Variants in TAGLN3 observed in about 807,000 individuals in gnomAD.
TAGLN3 encodes transgelin-3.
TAGLN3 carries 12 observed loss-of-function variants against 25.4 expected under a neutral mutation model. That is an observed-to-expected ratio of 0.47 (90% CI 0.30 to 0.77). The LOEUF (loss-of-function observed/expected upper bound fraction) is 0.77, where lower values mean the gene tolerates loss of function less well. Ranked by LOEUF, TAGLN3 falls within the 30% of genes least tolerant of loss-of-function variation. The pLI, the probability that TAGLN3 is intolerant of heterozygous loss-of-function variation, is 0.06. For synonymous variants in TAGLN3, 96 were observed against 94.8 expected, an observed-to-expected ratio of 1.01 and a Z score of -0.08; for missense variants, 218 against 255.8, an observed-to-expected ratio of 0.85 and a Z score of 1.01.
Position 112,000,888 on chromosome 3 carries a change from T to G in TAGLN3, c.297T>G (p.Ala99=). 1 of 1,614,194 alleles carries G rather than the reference T, an allele frequency of 6.2e-7. No homozygotes were observed. Among genetic ancestry groups the G allele is most frequent in the Non-Finnish European group, 8.5e-7 (1 of 1,180,028 alleles). ...QMEQISQFLK[A]AETYGVRTTD... The stretch of plus-strand genomic sequence containing the variant: ...AGCAAATCTCCCAGTTCCTAAAAGC[T>G]GCGGAGACCTATGGTGTCAGAACCA... The change falls in exon 3 of 5, where the codon GCT becomes GCG. Residue 99 remains alanine (A), a synonymous_variant. Transcript: ENST00000478951.
At chr3:112,000,583 C>T (rs1339819573) in intron 2 of TAGLN3, 189 bp from the exon 3 acceptor site, 2 of 565,110 alleles carry the variant, frequency 3.5e-6, no homozygotes, top group Non-Finnish European at 6.3e-6. Context: ...GGAATGGGGT[C>T]CTCTGGGTCT....
At chr3:112,001,330 C>G (rs1456728312) in intron 3 of TAGLN3, among the ~76,000 whole-genome samples, 1 of 152,172 alleles carries the variant, frequency 6.6e-6, no homozygotes, top group Non-Finnish European at 1.5e-5. Context: ...ATAGACAAAG[C>G]CATCTGGGGC....
intron 3 of TAGLN3, among the ~76,000 whole-genome samples, chr3:112,004,387 G>A (rs553067627): frequency 2.0e-5 from 3 of 152,286 alleles, no homozygotes; most frequent in East Asian, 3.9e-4. Flanking sequence ...AAGAAAGGTG[G>A]GGGGCGGGGG....
Position 112,000,962 on chromosome 3 carries a change from G to A in TAGLN3, c.355+16G>A, listed in dbSNP as rs770442609. On this transcript the variant is annotated intron_variant, in intron 3 of 4. Transcript: ENST00000478951. ...CTATGGGAAGGTAAACAGCCCCCTG[G>A]CCTTTGGGATTGTTCTTTTCTTCTC... 4 of 1,611,576 alleles carry A rather than the reference G, an allele frequency of 2.5e-6. No homozygotes were observed. Among genetic ancestry groups the A allele is most frequent in the Non-Finnish European group, 3.4e-6 (4 of 1,178,782 alleles).
At chr3:111,999,702 A>G in intron 2 of TAGLN3, 100 bp downstream of exon 2, 1 of 1,449,310 alleles carries the variant, frequency 6.9e-7, no homozygotes, top group Non-Finnish European at 9.3e-7. Flanking sequence ...TGCTGTTGCC[A>G]AGCTCTATGT....
At chr3:112,011,254 C>T (rs1221011551) in intron 3 of TAGLN3, among the ~76,000 whole-genome samples, 1 of 152,210 alleles carries the variant, frequency 6.6e-6, no homozygotes, top group African/African-American at 2.4e-5. Flanking sequence ...ACAGGGCTCC[C>T]CATCCCACTG....
intron 3 of TAGLN3, among the ~76,000 whole-genome samples, chr3:112,010,001 T>G (rs1040921064): frequency 6.6e-6 from 1 of 151,826 alleles, no homozygotes; most frequent in African/African-American, 2.4e-5. Flanking sequence ...TTAGTTCTTA[T>G]AAGTTCTTAT....
At chr3:112,009,081 C>T (rs549997684) in intron 3 of TAGLN3, among the ~76,000 whole-genome samples, 4 of 152,240 alleles carry the variant, frequency 2.6e-5, no homozygotes, top group African/African-American at 9.6e-5. Flanking sequence ...TGTGTGAACT[C>T]ATACATAAGA....
chr3:112,000,355 G>T (rs996882204), intron 2 of TAGLN3, among the ~76,000 whole-genome samples: 1 of 152,164 alleles, frequency 6.6e-6, no homozygotes, highest in Non-Finnish European at 1.5e-5. Context: ...TTTGCCTTTT[G>T]ATAGAAGAAA....
chr3:112,004,953 G>C (rs938845965), intron 3 of TAGLN3, among the ~76,000 whole-genome samples: 2 of 152,086 alleles, frequency 1.3e-5, no homozygotes, highest in Non-Finnish European at 2.9e-5. Flanking sequence ...CCAGGCTTTA[G>C]GCATCACTTT....
At chr3:112,000,127 G>A (rs979788248) in intron 2 of TAGLN3, among the ~76,000 whole-genome samples, 6 of 152,328 alleles carry the variant, frequency 3.9e-5, no homozygotes, top group South Asian at 2.1e-4. Flanking sequence ...CCAAATGCTC[G>A]TGTGTGTTTG....
chr3:111,999,592 T>A lies in TAGLN3; in HGVS notation c.170T>A (p.Met57Lys), dbSNP rs766037234. The A allele has an allele frequency of 5.0e-6, 8 of 1,613,554 alleles. No homozygotes were observed. The highest frequency in any genetic ancestry group is 1.6e-4 in the Middle Eastern group (1 of 6,072). Reference sequence around the variant, plus strand: ...AGGGCCCATTTTCAGAAATGGTTAATGGACGGGACGGTAAGGCCGGCAGCG... The same window carrying A: ...AGGGCCCATTTTCAGAAATGGTTAAAGGACGGGACGGTAAGGCCGGCAGCG... ...PGRAHFQKWL[M>K]DGTVLCKLIN... The change falls in exon 2 of 5, where the codon ATG (methionine) becomes AAG (lysine). Residue 57 changes from methionine (M) to lysine (K), a missense_variant. Transcript: ENST00000478951.
chr3:112,009,962 G>T (rs2072958273), intron 3 of TAGLN3, among the ~76,000 whole-genome samples: 1 of 151,454 alleles, frequency 6.6e-6, no homozygotes, highest in African/African-American at 2.4e-5. Context: ...TATATAAGAA[G>T]TGTTATATAT....
At chr3:112,009,717 C>G (rs58468971) in intron 3 of TAGLN3, among the ~76,000 whole-genome samples, 70,133 of 151,912 alleles carry the variant, frequency 0.46, 16,359 homozygotes, top group East Asian at 0.56. Flanking sequence ...ACAGTGTCTA[C>G]CCTATAATTT....
rs762583525 is a variant in TAGLN3, at chr3:111,999,557, G to GC, written c.141dup (p.Gly48ArgfsTer21). On this transcript the variant is annotated frameshift_variant, in exon 2 of 5. Coordinates refer to ENST00000478951, the MANE Select transcript of TAGLN3 (RefSeq NM_001008272.2). LOFTEE classifies it high-confidence loss of function. Reference sequence around the variant, plus strand: ...AGTGCGCCGAGGACATAGAGCACCCGCCCCCCGGCAGGGCCCATTTTCAGA... The same window carrying GC: ...AGTGCGCCGAGGACATAGAGCACCCGCCCCCCCGGCAGGGCCCATTTTCAGA... 6 of 1,614,038 alleles carry GC rather than the reference G, an allele frequency of 3.7e-6. No individual in the cohort carries two copies. Among genetic ancestry groups the GC allele is most frequent in the Admixed American group, 3.3e-5 (2 of 60,014 alleles).
intron 2 of TAGLN3, among the ~76,000 whole-genome samples, chr3:111,999,961 T>C (rs938139511): frequency 5.3e-5 from 8 of 152,196 alleles, no homozygotes; most frequent in Non-Finnish European, 1.2e-4. Flanking sequence ...GGGATCGTGT[T>C]GGTTACACAG....
Position 111,999,573 on chromosome 3 carries a change from C to T in TAGLN3, c.151C>T (p.His51Tyr). ...DIEHPPPGRA[H>Y]FQKWLMDGTV... ...AGAGCACCCGCCCCCCGGCAGGGCC[C>T]ATTTTCAGAAATGGTTAATGGACGG... Residue 51 changes from histidine (H) to tyrosine (Y), a missense_variant, in exon 2 of 5, where the codon CAT becomes TAT. Physicochemically the swap from His to Tyr is moderately conservative, Grantham distance 83. Coordinates refer to ENST00000478951, the MANE Select transcript of TAGLN3 (RefSeq NM_001008272.2). 6.2e-7 allele frequency: 1 copy of T among 1,614,114 alleles called. No individual in the cohort carries two copies. The highest frequency in any genetic ancestry group is 1.3e-5 in the African/African-American group (1 of 75,046).
At chr3:112,002,809 A>G (rs1441520731) in intron 3 of TAGLN3, among the ~76,000 whole-genome samples, 1 of 152,226 alleles carries the variant, frequency 6.6e-6, no homozygotes, top group Non-Finnish European at 1.5e-5. Flanking sequence ...TTTACTCGTC[A>G]GAGGTGCTCA....
chr3:111,999,289 G>A, intron 1 of TAGLN3, 132 bp from the exon 2 acceptor site: 2 of 1,019,410 alleles, frequency 2.0e-6, no homozygotes, highest in Non-Finnish European at 2.8e-6. Context: ...TTTAAACCAC[G>A]CCCGGCTTTC....
Sources: allele counts gnomAD v4.1 joint callset (sites outside exome capture counted in the v4.1 genomes callset), GRCh38; gene constraint gnomAD v4.1.1; transcripts MANE v1.5; gene names NCBI Gene and HGNC (gene_info 2026-07-23, HGNC 2026-07-21).